The following CALN1 variants were observed in gnomAD, a reference collection of about 807,000 sequenced individuals.
The protein encoded by CALN1 is calneuron 1.
A neutral mutation model predicts 30.6 loss-of-function variants in CALN1; 17 were observed. That is an observed-to-expected ratio of 0.56 (90% CI 0.38 to 0.83). The LOEUF (loss-of-function observed/expected upper bound fraction) is 0.83. CALN1 is among the 40% of genes least tolerant of loss of function. CALN1 has a pLI of 0.00. For missense variants in CALN1, 291 were observed against 354.9 expected (o/e 0.82, Z 1.45); for synonymous variants, 156 against 131.4 (o/e 1.19, Z -1.28).
the CALN1 span, among the ~76,000 whole-genome samples, chr7:72,469,043 A>G: frequency 1.3e-5 from 2 of 152,302 alleles, no homozygotes; most frequent in South Asian, 2.1e-4. Context: ...TCAATGCCCA[A>G]AAGTTTTTAA....
Position 71,936,242 on chromosome 7 carries a change from C to T in CALN1, c.501+87415G>A, listed in dbSNP as rs552214328. ...GACTGGGCGCGGTGGCTCACGCCTG[C>T]AATCCCAGCACTTTGGGAGGCTGAG... On this transcript the variant is annotated intron_variant, in intron 5 of 6. Transcript: ENST00000395275. 4.1e-4 allele frequency among the ~76,000 whole-genome samples: 63 copies of T among 152,072 alleles called. No individual in the cohort carries two copies. In the South Asian group the frequency reaches 0.01, roughly 25 times the overall value.
intron 5 of CALN1, among the ~76,000 whole-genome samples, chr7:71,963,343 AGT>A (rs1797351045): frequency 6.7e-6 from 1 of 149,976 alleles, no homozygotes; most frequent in South Asian, 2.1e-4. Flanking sequence ...TTGTATTTTT[AGT>A]AGAGACAAGG....
At chr7:72,388,174 CTGA>C (rs1390713458) in intron 2 of CALN1, among the ~76,000 whole-genome samples, 2 of 152,064 alleles carry the variant, frequency 1.3e-5, no homozygotes, top group Non-Finnish European at 2.9e-5. Flanking sequence ...GCTAATTACC[CTGA>C]TTTGATCAAT....
At chr7:72,250,938 T>G (rs368633803) in intron 3 of CALN1, among the ~76,000 whole-genome samples, 3 of 152,262 alleles carry the variant, frequency 2.0e-5, no homozygotes, top group East Asian at 3.9e-4. Flanking sequence ...CCAACCTCTG[T>G]GAGGTTAAGA....
chr7:71,876,588 T>A (rs1348922183), intron 5 of CALN1, among the ~76,000 whole-genome samples: 1 of 152,196 alleles, frequency 6.6e-6, no homozygotes, highest in Non-Finnish European at 1.5e-5. Context: ...TAACTTTTAT[T>A]GATTCTTTGT....
At chr7:72,480,929 C>T in the CALN1 span, among the ~76,000 whole-genome samples, 1 of 152,052 alleles carries the variant, frequency 6.6e-6, no homozygotes, top group Non-Finnish European at 1.5e-5. Flanking sequence ...ATAAATCTGG[C>T]TAGATGTCTA....
intron 3 of CALN1, among the ~76,000 whole-genome samples, chr7:72,231,822 G>A (rs941432098): frequency 2.0e-5 from 3 of 152,164 alleles, no homozygotes; most frequent in African/African-American, 7.2e-5. Context: ...GAATGCCTGG[G>A]CTGTCAGGGT....
At chr7:72,324,845 A>G (rs867374898) in intron 2 of CALN1, among the ~76,000 whole-genome samples, 6 of 152,176 alleles carry the variant, frequency 3.9e-5, no homozygotes, top group African/African-American at 1.4e-4. Flanking sequence ...CAGCCTCCCA[A>G]AGAGCTGGGA....
intron 2 of CALN1, among the ~76,000 whole-genome samples, chr7:72,396,864 T>C (rs1007840437): frequency 1.3e-5 from 2 of 152,184 alleles, no homozygotes; most frequent in African/African-American, 2.4e-5. Flanking sequence ...TAGGATCATC[T>C]ATCTGTGTCC....
At chr7:72,459,186 G>C in the CALN1 span, among the ~76,000 whole-genome samples, 1 of 151,992 alleles carries the variant, frequency 6.6e-6, no homozygotes, top group Non-Finnish European at 1.5e-5. Flanking sequence ...TTACAGGCAT[G>C]AACCACCGCG....
chr7:72,178,500 G>C (rs567027853), intron 3 of CALN1, among the ~76,000 whole-genome samples: 4 of 152,134 alleles, frequency 2.6e-5, no homozygotes, highest in Non-Finnish European at 5.9e-5. Context: ...AGACCAGCCT[G>C]ACCAACATGG....
chr7:71,820,743 C>T (rs1469835234), intron 5 of CALN1, among the ~76,000 whole-genome samples: 1 of 152,174 alleles, frequency 6.6e-6, no homozygotes, highest in African/African-American at 2.4e-5. Context: ...TTTTTATCCA[C>T]TAAAACATTT....
intron 3 of CALN1, among the ~76,000 whole-genome samples, chr7:72,239,483 ATTT>A (rs1252186716): frequency 6.6e-6 from 1 of 152,182 alleles, no homozygotes; most frequent in Non-Finnish European, 1.5e-5. Flanking sequence ...ATGTGCAGAG[ATTT>A]TTATTTCTAT....
At position 72,246,226 on chromosome 7, in the gene CALN1, T is replaced by C. The variant is rs1237446816; in HGVS notation, c.244+32460A>G. On this transcript the variant is annotated intron_variant, in intron 3 of 6. Transcript: ENST00000395275. ...CCTTACCTCAGAAACACCCCCTTTTTCCTCTCTCAGATAGAACTGAGGTTT... is the reference window on the plus strand; with the variant it reads ...CCTTACCTCAGAAACACCCCCTTTTCCCTCTCTCAGATAGAACTGAGGTTT... 5.3e-5 allele frequency among the ~76,000 whole-genome samples: 8 copies of C among 152,290 alleles called. No individual in the cohort carries two copies. In the South Asian group the frequency reaches 1.7e-3, roughly 32 times the overall value.
At chr7:72,365,141 C>A (rs112805913) in intron 2 of CALN1, among the ~76,000 whole-genome samples, 4,183 of 152,236 alleles carry the variant, frequency 0.027, 207 homozygotes, top group African/African-American at 0.095. Flanking sequence ...CCAGTCTCTA[C>A]TAAAAATACA....
rs1029680787 is a variant in CALN1, at chr7:71,788,027, T to C, written c.659-125A>G. ...CAGGCCAGCAGTGAGTCCTATAGGA[T>C]GAGACTGGTCAAATCAAGTTGACAG... On this transcript the variant is annotated intron_variant, in intron 6 of 6. Coordinates refer to ENST00000395275, the MANE Select transcript of CALN1 (RefSeq NM_031468.4). The C allele has an allele frequency of 3.1e-6, 4 of 1,291,778 alleles. No individual in the cohort carries two copies. In the African/African-American group the frequency reaches 4.4e-5, roughly 14 times the overall value. 80.0% of individuals were successfully genotyped at this position (1,291,778 alleles called of 1,614,324 possible).
At chr7:72,354,014 C>T (rs1419536076) in intron 2 of CALN1, among the ~76,000 whole-genome samples, 1 of 152,078 alleles carries the variant, frequency 6.6e-6, no homozygotes, top group Admixed American at 6.5e-5. Context: ...TGGTGAAATC[C>T]CATCTCTACT....
intron 4 of CALN1, among the ~76,000 whole-genome samples, chr7:72,031,243 TAC>T (rs1801418861): frequency 6.6e-6 from 1 of 152,172 alleles, no homozygotes; most frequent in Non-Finnish European, 1.5e-5. Flanking sequence ...GGCGACCAGG[TAC>T]ACAGAGTCAA....
At chr7:71,863,321 G>A (rs1791401288) in intron 5 of CALN1, among the ~76,000 whole-genome samples, 1 of 151,568 alleles carries the variant, frequency 6.6e-6, no homozygotes, top group South Asian at 2.1e-4. Flanking sequence ...ACTTTGGGAG[G>A]CCAAGGCAGG....
Sources: allele counts gnomAD v4.1 joint callset (sites outside exome capture counted in the v4.1 genomes callset), GRCh38; gene constraint gnomAD v4.1.1; transcripts MANE v1.5; gene names NCBI Gene and HGNC (gene_info 2026-07-23, HGNC 2026-07-21).